Variants in HIKESHI observed in about 807,000 individuals in gnomAD.
The protein encoded by HIKESHI is heat shock protein nuclear import factor hikeshi.
In HIKESHI, 13 loss-of-function variants were observed where a neutral mutation model predicts 25.7. The observed-to-expected ratio is 0.51, with a 90% CI of 0.33 to 0.80. HIKESHI has a LOEUF of 0.80. Ranked by LOEUF, HIKESHI falls within the 30% of genes least tolerant of loss-of-function variation. HIKESHI has a pLI of 0.02. For synonymous variants in HIKESHI, 76 were observed against 78.7 expected (o/e 0.97, Z 0.18); for missense variants, 174 against 229.5 (o/e 0.76, Z 1.56).
At chr11:86,320,603 T>C (rs1947121966) in intron 2 of HIKESHI, among the ~76,000 whole-genome samples, 1 of 152,156 alleles carries the variant, frequency 6.6e-6, no homozygotes, top group South Asian at 2.1e-4. Flanking sequence ...AAAATTTATT[T>C]TTTATTAACA....
At chr11:86,321,236 T>G (rs1947139359) in intron 2 of HIKESHI, among the ~76,000 whole-genome samples, 1 of 152,158 alleles carries the variant, frequency 6.6e-6, no homozygotes, top group Admixed American at 6.6e-5. Flanking sequence ...CCTGGCCCGT[T>G]TTTTTCACTT....
At chr11:86,342,701 C>T (rs61904326) in intron 3 of HIKESHI, among the ~76,000 whole-genome samples, 31,854 of 149,052 alleles carry the variant, frequency 0.21, 3,539 homozygotes, top group East Asian at 0.3. Context: ...GTCCTAGCCC[C>T]ATGAATTGAG....
chr11:86,316,507 A>T (rs1189744390), intron 2 of HIKESHI, among the ~76,000 whole-genome samples: 1 of 152,038 alleles, frequency 6.6e-6, no homozygotes, highest in African/African-American at 2.4e-5. Context: ...GTGAGACTCC[A>T]TCTTCAAAAA....
chr11:86,311,401 G>A (rs1422247019), intron 2 of HIKESHI, among the ~76,000 whole-genome samples: 1 of 152,092 alleles, frequency 6.6e-6, no homozygotes, highest in African/African-American at 2.4e-5. Flanking sequence ...GGGATCGGTG[G>A]TGATATCCCC....
At chr11:86,307,357 TTA>T (rs1946662803) in intron 2 of HIKESHI, among the ~76,000 whole-genome samples, 1 of 88,370 alleles carries the variant, frequency 1.1e-5, no homozygotes, top group Non-Finnish European at 2.2e-5. Context: ...CAAATATATA[TTA>T]TGTGTAATAT....
chr11:86,322,808 T>C (rs1947184044), intron 2 of HIKESHI, among the ~76,000 whole-genome samples: 1 of 152,200 alleles, frequency 6.6e-6, no homozygotes, highest in South Asian at 2.1e-4. Flanking sequence ...AAAATTTTTT[T>C]TGGCAAATGG....
At chr11:86,343,045 T>TTGTCTTTCCATATGTGACATGTTA (rs1947776442) in intron 3 of HIKESHI, among the ~76,000 whole-genome samples, 1 of 152,228 alleles carries the variant, frequency 6.6e-6, no homozygotes, top group African/African-American at 2.4e-5. Context: ...CTTTACCACA[T>TTGTCTTTCCATATGTGACATGTTA]TGTCTTTCCA....
intron 2 of HIKESHI, among the ~76,000 whole-genome samples, chr11:86,308,135 T>G (rs1946713825): frequency 7.7e-6 from 1 of 129,294 alleles, no homozygotes; most frequent in African/African-American, 3.1e-5. Context: ...ATGTATTACA[T>G]GTAAAATATA....
intron 3 of HIKESHI, chr11:86,344,040 C>T (rs1253853280): frequency 6.6e-6 from 1 of 152,212 alleles, no homozygotes; most frequent in East Asian, 1.9e-4. Context: ...TGGAATAGTG[C>T]TGCCTTTATC....
chr11:86,321,874 T>C (rs1947158420), intron 2 of HIKESHI, among the ~76,000 whole-genome samples: 2 of 152,334 alleles, frequency 1.3e-5, no homozygotes, highest in South Asian at 4.1e-4. Flanking sequence ...TCCAGTTCTT[T>C]CATGTTCTGA....
At chr11:86,341,938 A>G (rs767045679) in intron 3 of HIKESHI, among the ~76,000 whole-genome samples, 4 of 152,248 alleles carry the variant, frequency 2.6e-5, no homozygotes, top group Non-Finnish European at 5.9e-5. Flanking sequence ...CGATGTTGAT[A>G]CATGGAATAT....
At chr11:86,311,648 C>T (rs980265695) in intron 2 of HIKESHI, among the ~76,000 whole-genome samples, 12 of 151,930 alleles carry the variant, frequency 7.9e-5, no homozygotes, top group Non-Finnish European at 1.3e-4. Flanking sequence ...TTAATTGTGA[C>T]GTTAGGGTGT....
At chr11:86,324,750 A>C (rs1947232508) in intron 2 of HIKESHI, among the ~76,000 whole-genome samples, 2 of 152,204 alleles carry the variant, frequency 1.3e-5, no homozygotes, top group Admixed American at 1.3e-4. Context: ...TAACTAGCAC[A>C]TCAGGGTTAG....
intron 2 of HIKESHI, among the ~76,000 whole-genome samples, chr11:86,332,106 G>A (rs1462856817): frequency 4.6e-5 from 7 of 151,424 alleles, no homozygotes; most frequent in Non-Finnish European, 7.4e-5. Context: ...GACTACAGGC[G>A]CCTGCCACCA....
At chr11:86,339,727 A>C (rs886754660) in intron 3 of HIKESHI, among the ~76,000 whole-genome samples, 23 of 152,324 alleles carry the variant, frequency 1.5e-4, no homozygotes, top group African/African-American at 5.1e-4. Context: ...TATTACATGT[A>C]TTTGGTTTAA....
At chr11:86,328,298 A>T (rs1947335775) in intron 2 of HIKESHI, among the ~76,000 whole-genome samples, 1 of 151,506 alleles carries the variant, frequency 6.6e-6, no homozygotes, top group Non-Finnish European at 1.5e-5. Context: ...TCACTTTGTC[A>T]CCCAGACTGG....
At chr11:86,323,100 T>A (rs1593841399) in intron 2 of HIKESHI, among the ~76,000 whole-genome samples, 1 of 152,112 alleles carries the variant, frequency 6.6e-6, no homozygotes, top group African/African-American at 2.4e-5. Context: ...TAGTGGCTCA[T>A]GCCTCTGGTC....
intron 2 of HIKESHI, among the ~76,000 whole-genome samples, chr11:86,320,118 AT>A (rs1450991921): frequency 1.3e-5 from 2 of 152,180 alleles, no homozygotes; most frequent in African/African-American, 4.8e-5. Context: ...ACTTAAAACA[AT>A]TTTTTTAAAG....
chr11:86,313,729 A>C (rs1946895659), intron 2 of HIKESHI, among the ~76,000 whole-genome samples: 1 of 152,214 alleles, frequency 6.6e-6, no homozygotes, highest in African/African-American at 2.4e-5. Context: ...GGTGAAAAGT[A>C]ATAGTGGATG....
Sources: gnomAD v4.1 joint callset for allele counts (sites outside exome capture counted in the v4.1 genomes callset) on GRCh38, gnomAD v4.1.1 for gene constraint, MANE v1.5 for transcripts, NCBI Gene and HGNC (gene_info 2026-07-23, HGNC 2026-07-21) for gene names.